The following GRIK2 variants were observed in gnomAD, a reference collection of about 807,000 sequenced individuals.
GRIK2 encodes the protein glutamate ionotropic receptor kainate type subunit 2, also known as glutamate receptor ionotropic, kainate 2.
GRIK2 carries 32 observed loss-of-function variants against 100.3 expected under a neutral mutation model. The observed-to-expected ratio is 0.32, with a 90% CI of 0.24 to 0.43. GRIK2 has a LOEUF of 0.43. GRIK2 is among the 20% of genes least tolerant of loss of function. GRIK2 has a pLI of 1.00. For missense variants in GRIK2, 843 were observed against 1,114.9 expected (o/e 0.76, Z 3.47); for synonymous variants, 417 against 389.4 (o/e 1.07, Z -0.83).
intron 15 of GRIK2, among the ~76,000 whole-genome samples, chr6:102,053,324 T>C (rs982858431): frequency 6.6e-6 from 1 of 152,150 alleles, no homozygotes; most frequent in Non-Finnish European, 1.5e-5. Context: ...CAGAATAAAA[T>C]TGATCTTTCA....
intron 14 of GRIK2, among the ~76,000 whole-genome samples, chr6:102,005,709 C>T (rs1365755223): frequency 1.3e-5 from 2 of 152,038 alleles, no homozygotes; most frequent in Admixed American, 6.6e-5. Context: ...AAACCTCAAA[C>T]GTAATCAGTG....
intron 2 of GRIK2, among the ~76,000 whole-genome samples, chr6:101,576,624 T>G (rs2128301146): frequency 6.6e-6 from 1 of 152,124 alleles, no homozygotes; most frequent in African/African-American, 2.4e-5. Context: ...TGCATAGAAA[T>G]GAATTTTTAT....
At chr6:101,617,983 GCACAC>G (rs1420292184) in intron 2 of GRIK2, among the ~76,000 whole-genome samples, 4 of 151,256 alleles carry the variant, frequency 2.6e-5, no homozygotes, top group Non-Finnish European at 4.4e-5. Flanking sequence ...TTTGTTTATG[GCACAC>G]ATATACACGT....
chr6:102,048,338 C>G (rs1044648627), intron 15 of GRIK2, among the ~76,000 whole-genome samples: 2 of 151,178 alleles, frequency 1.3e-5, no homozygotes, highest in Non-Finnish European at 2.9e-5. Flanking sequence ...GTGCAGGCAA[C>G]AAAAGCAAAA....
At position 101,963,278 on chromosome 6, in the gene GRIK2, A is replaced by ATTTTTTTTT. The variant is rs3029099; in HGVS notation, c.2085+34675_2085+34683dup. On this transcript the variant is annotated intron_variant, in intron 14 of 16. Coordinates refer to ENST00000369134, the MANE Select transcript of GRIK2 (RefSeq NM_021956.5). ...TATTTCATATTTATACTTATTTAGG[A>ATTTTTTTTT]TTTTTTTTTTTTTTTTTTTTTTTTT... Among the ~76,000 whole-genome samples the ATTTTTTTTT allele has an allele frequency of 1.4e-3, 38 of 27,842 alleles. 18 individuals are homozygous for ATTTTTTTTT. The highest frequency in any genetic ancestry group is 2.1e-3 in the Non-Finnish European group (29 of 14,016). 18.3% of individuals were successfully genotyped at this position (27,842 alleles called of 152,430 possible). A position where few individuals can be genotyped will look rare whatever the true frequency, so the allele number is the denominator to read the frequency against.
At chr6:101,762,325 T>A (rs1777776103) in intron 7 of GRIK2, among the ~76,000 whole-genome samples, 2 of 152,056 alleles carry the variant, frequency 1.3e-5, no homozygotes, top group South Asian at 4.2e-4. Context: ...CAGGTGGGCA[T>A]CATGAAGCCT....
chr6:101,711,134 C>T (rs1353023284), intron 7 of GRIK2, among the ~76,000 whole-genome samples: 1 of 151,734 alleles, frequency 6.6e-6, no homozygotes, highest in Non-Finnish European at 1.5e-5. Context: ...ACCCCTCTAT[C>T]CCAATTAACA....
At chr6:101,872,160 G>A (rs752751827) in intron 11 of GRIK2, among the ~76,000 whole-genome samples, 8 of 151,880 alleles carry the variant, frequency 5.3e-5, no homozygotes, top group East Asian at 3.9e-4. Context: ...TATAAAATTC[G>A]TGTCTATCCA....
chr6:101,673,203 T>C (rs944900551), intron 4 of GRIK2, among the ~76,000 whole-genome samples: 1 of 152,096 alleles, frequency 6.6e-6, no homozygotes, highest in African/African-American at 2.4e-5. Context: ...GCAAAAGACA[T>C]GAAAAGACAC....
intron 14 of GRIK2, among the ~76,000 whole-genome samples, chr6:101,954,403 C>T (rs1791786078): frequency 6.6e-6 from 1 of 151,954 alleles, no homozygotes; most frequent in East Asian, 1.9e-4. Context: ...TGTGTTTTCA[C>T]TTTTATTATT....
intron 11 of GRIK2, chr6:101,860,771 A>G (rs1416269996): frequency 1.3e-5 from 2 of 154,478 alleles, no homozygotes; most frequent in Admixed American, 6.5e-5. Flanking sequence ...GTTGGTGTAT[A>G]ATGAGGCCTC....
At chr6:101,805,614 A>G (rs1583185286) in intron 9 of GRIK2, among the ~76,000 whole-genome samples, 2 of 151,982 alleles carry the variant, frequency 1.3e-5, no homozygotes, top group South Asian at 2.1e-4. Flanking sequence ...TCTAACAAAT[A>G]TGGAAGGAAT....
intron 2 of GRIK2, among the ~76,000 whole-genome samples, chr6:101,405,845 A>C (rs1775566099): frequency 6.6e-6 from 1 of 152,224 alleles, no homozygotes; most frequent in South Asian, 2.1e-4. Flanking sequence ...AGTTCCTTAG[A>C]TATTTCTAGA....
chr6:101,484,984 C>A (rs1336060133), intron 2 of GRIK2, among the ~76,000 whole-genome samples: 3 of 152,112 alleles, frequency 2.0e-5, no homozygotes, highest in Non-Finnish European at 2.9e-5. Flanking sequence ...AGAGGCATAT[C>A]ATAATTCAAT....
chr6:101,493,318 C>T (rs1420518597), intron 2 of GRIK2, among the ~76,000 whole-genome samples: 1 of 151,824 alleles, frequency 6.6e-6, no homozygotes, highest in Non-Finnish European at 1.5e-5. Context: ...TACAATGAAA[C>T]TGCACGGTAT....
intron 7 of GRIK2, among the ~76,000 whole-genome samples, chr6:101,766,765 TG>T (rs1170633903): frequency 6.6e-6 from 1 of 152,198 alleles, no homozygotes; most frequent in East Asian, 1.9e-4. Context: ...AATTTAGGTT[TG>T]GGCCTTCACT....
intron 14 of GRIK2, among the ~76,000 whole-genome samples, chr6:101,934,816 C>G (rs1790517014): frequency 6.6e-6 from 1 of 151,924 alleles, no homozygotes; most frequent in Admixed American, 6.6e-5. Context: ...GTGCTTTTCA[C>G]ATTGAAAAAT....
At chr6:101,638,021 A>G (rs905278630) in intron 4 of GRIK2, among the ~76,000 whole-genome samples, 1 of 152,024 alleles carries the variant, frequency 6.6e-6, no homozygotes, top group Admixed American at 6.6e-5. Flanking sequence ...TTGATGCAAG[A>G]GTTACTTTAG....
At chr6:101,690,625 T>C (rs1772024882) in intron 7 of GRIK2, among the ~76,000 whole-genome samples, 1 of 151,982 alleles carries the variant, frequency 6.6e-6, no homozygotes, top group African/African-American at 2.4e-5. Context: ...AGGTGTAACT[T>C]GAGCTCATTT....
Sources: allele counts gnomAD v4.1 joint callset (sites outside exome capture counted in the v4.1 genomes callset), GRCh38; gene constraint gnomAD v4.1.1; transcripts MANE v1.5; gene names NCBI Gene and HGNC (gene_info 2026-07-23, HGNC 2026-07-21).